NLN: variants seen among roughly 807,000 people sequenced by gnomAD.
The protein encoded by NLN is neurolysin.
Under a neutral mutation model 79.9 loss-of-function variants are expected in NLN, and 64 were observed. The observed-to-expected ratio is 0.80, with a 90% CI of 0.65 to 0.99. The LOEUF is 0.99. Ranked by LOEUF, NLN falls within the 50% of genes least tolerant of loss-of-function variation. NLN has a pLI of 0.00. For missense variants in NLN, 835 were observed against 858.7 expected (o/e 0.97, Z 0.34); for synonymous variants, 267 against 296.6 (o/e 0.90, Z 1.02).
rs1454893915 is a variant in NLN at position 65,823,353 on chromosome 5, G to C, written c.*438G>C. 1 of 156,812 alleles carries C rather than the reference G, an allele frequency of 6.4e-6. No homozygotes were observed. The highest frequency in any genetic ancestry group is 1.4e-5 in the Non-Finnish European group (1 of 71,312). 9.7% of individuals were successfully genotyped at this position (156,812 alleles called of 1,614,324 possible). A position where few individuals can be genotyped will look rare whatever the true frequency, so the allele number is the denominator to read the frequency against. ...CATTCTTCTGGTAAATATTTTCTTG[G>C]AGCTCTGTGTCAACTTTGATCCTTT... On this transcript the variant is annotated 3_prime_UTR_variant, in exon 13 of 13. Coordinates refer to ENST00000380985, the MANE Select transcript of NLN (RefSeq NM_020726.5).
intron 9 of NLN, among the ~76,000 whole-genome samples, chr5:65,799,847 A>G (rs1005946625): frequency 1.9e-4 from 29 of 152,172 alleles, no homozygotes; most frequent in Non-Finnish European, 1.5e-5. Flanking sequence ...ATCACTCGGT[A>G]TGTGTGAAGT....
At chr5:65,783,296 T>G (rs1759846048) in intron 6 of NLN, among the ~76,000 whole-genome samples, 1 of 151,858 alleles carries the variant, frequency 6.6e-6, no homozygotes, top group Non-Finnish European at 1.5e-5. Context: ...TTACCACAAT[T>G]TTTTTTTAAA....
rs974326137 is a variant in NLN at position 65,829,128 on chromosome 5, A to C, written c.*6213A>C. ...CTGTCTTCATCACACACACAGAGGC[A>C]AACGTCTGATTCAGATAGCCAGGTG... is the stretch of plus-strand genomic sequence containing the variant. On this transcript the variant is annotated 3_prime_UTR_variant, in exon 13 of 13. Coordinates refer to ENST00000380985, the MANE Select transcript of NLN (RefSeq NM_020726.5). 3.9e-5 allele frequency: 6 copies of C among 152,250 alleles called. No homozygotes were observed. The highest frequency in any genetic ancestry group is 7.3e-5 in the Non-Finnish European group (5 of 68,060). 9.4% of individuals were successfully genotyped at this position (152,250 alleles called of 1,614,324 possible). A position where few individuals can be genotyped will look rare whatever the true frequency, so the allele number is the denominator to read the frequency against.
intron 12 of NLN, among the ~76,000 whole-genome samples, chr5:65,815,092 G>T (rs1760640519): frequency 6.6e-6 from 1 of 152,164 alleles, no homozygotes; most frequent in African/African-American, 2.4e-5. Flanking sequence ...CTAGGTAAAG[G>T]TACAATTATG....
intron 9 of NLN, chr5:65,793,132 C>A: frequency 3.9e-6 from 1 of 259,400 alleles, no homozygotes; most frequent in Non-Finnish European, 7.6e-6. Context: ...TATAGTCTAA[C>A]CATGCAAAGA....
chr5:65,727,707 G>A (rs909519400), intron 1 of NLN, among the ~76,000 whole-genome samples: 4 of 152,112 alleles, frequency 2.6e-5, no homozygotes, highest in Non-Finnish European at 5.9e-5. Context: ...ATATTTAGCC[G>A]AAACAATAGC....
rs187151522 is a variant in NLN at position 65,750,174 on chromosome 5, C to T, written c.42-8393C>T. Among the ~76,000 whole-genome samples, 18 of 152,310 alleles carry T rather than the reference C, an allele frequency of 1.2e-4. No individual in the cohort carries two copies. The East Asian group carries it at 2.7e-3, about 23-fold the overall frequency. ...ATGGGATCATCCAGTCAGTGCTGTC[C>T]GTTCGAACTTTCTGCAGTGGCGAAA... On this transcript the variant is annotated intron_variant, in intron 1 of 12. Transcript: ENST00000380985.
chr5:65,741,474 G>C (rs1414238259), intron 1 of NLN, among the ~76,000 whole-genome samples: 2 of 152,132 alleles, frequency 1.3e-5, no homozygotes, highest in East Asian at 3.8e-4. Flanking sequence ...CCAGGCCTCA[G>C]ATGAGAGGAT....
chr5:65,819,751 ACT>A (rs1760753153), intron 12 of NLN, among the ~76,000 whole-genome samples: 1 of 151,938 alleles, frequency 6.6e-6, no homozygotes, highest in African/African-American at 2.4e-5. Context: ...TAGGGCAAAG[ACT>A]CCCTCCACCT....
At chr5:65,780,830 C>T (rs943993979) in intron 5 of NLN, among the ~76,000 whole-genome samples, 7 of 152,170 alleles carry the variant, frequency 4.6e-5, no homozygotes, top group South Asian at 4.1e-4. Flanking sequence ...TGTGCCACCA[C>T]GCCCAGCTAA....
intron 1 of NLN, among the ~76,000 whole-genome samples, chr5:65,726,043 T>A (rs931283567): frequency 6.2e-5 from 9 of 144,482 alleles, no homozygotes; most frequent in Non-Finnish European, 1.3e-4. Context: ...ACCCGGAAGG[T>A]GGAGTTTGCA....
Position 65,776,830 on chromosome 5 carries a change from A to T in NLN, c.451-597A>T, listed in dbSNP as rs542282269. ...CCTCCACTTTGTGCAGTGCTGACTCATTTTCCCCAGATACTTGTTCCTATG... is the reference window on the plus strand; with the variant it reads ...CCTCCACTTTGTGCAGTGCTGACTCTTTTTCCCCAGATACTTGTTCCTATG... On this transcript the variant is annotated intron_variant, in intron 3 of 12. Coordinates refer to ENST00000380985, the MANE Select transcript of NLN (RefSeq NM_020726.5). Among the ~76,000 whole-genome samples, 8 of 152,160 alleles carry T rather than the reference A, an allele frequency of 5.3e-5. No individual in the cohort carries two copies. The East Asian group carries it at 1.5e-3, about 29-fold the overall frequency.
At chr5:65,739,911 GA>G (rs1412943926) in intron 1 of NLN, among the ~76,000 whole-genome samples, 1 of 152,046 alleles carries the variant, frequency 6.6e-6, no homozygotes, top group Non-Finnish European at 1.5e-5. Context: ...TCCCTTATGA[GA>G]TGTATATTTT....
chr5:65,762,558 T>C (rs1460075194), intron 2 of NLN, among the ~76,000 whole-genome samples: 2 of 152,052 alleles, frequency 1.3e-5, no homozygotes, highest in African/African-American at 2.4e-5. Context: ...TGGTGGTGCA[T>C]GCCTGTGGTC....
intron 3 of NLN, among the ~76,000 whole-genome samples, chr5:65,774,193 A>G (rs1759631801): frequency 1.3e-5 from 2 of 152,118 alleles, no homozygotes; most frequent in African/African-American, 4.8e-5. Context: ...GAGAGAATAC[A>G]CATTCATATT....
intron 3 of NLN, among the ~76,000 whole-genome samples, chr5:65,764,685 G>A (rs561374999): frequency 2.6e-5 from 4 of 152,138 alleles, no homozygotes; most frequent in East Asian, 1.9e-4. Flanking sequence ...GGTTCATTTC[G>A]GGCCTTTATT....
intron 1 of NLN, chr5:65,723,073 TA>T (rs1174680033): frequency 6.6e-6 from 1 of 152,232 alleles, no homozygotes; most frequent in African/African-American, 2.4e-5. Flanking sequence ...AACAGACCAG[TA>T]GCAAGATGGT....
chr5:65,774,585 C>T (rs1007550944), intron 3 of NLN, among the ~76,000 whole-genome samples: 5 of 152,026 alleles, frequency 3.3e-5, no homozygotes, highest in African/African-American at 9.7e-5. Flanking sequence ...TACCAAAGAA[C>T]TCTGGGGATT....
chr5:65,812,434 C>T (rs752606320), intron 12 of NLN, 43 bp downstream of exon 12: 1 of 1,349,886 alleles, frequency 7.4e-7, no homozygotes, highest in Admixed American at 1.8e-5. Context: ...TGTAGTTGCT[C>T]CCTCCCCTTT....
Sources: gnomAD v4.1 joint callset for allele counts (sites outside exome capture counted in the v4.1 genomes callset) on GRCh38, gnomAD v4.1.1 for gene constraint, MANE v1.5 for transcripts, NCBI Gene and HGNC (gene_info 2026-07-23, HGNC 2026-07-21) for gene names.